FER: variants seen among roughly 807,000 people sequenced by gnomAD.
FER encodes FER tyrosine kinase.
In FER, 63 loss-of-function variants were observed where a neutral mutation model predicts 111.0. That is an observed-to-expected ratio of 0.57 (90% CI 0.46 to 0.70). The LOEUF (loss-of-function observed/expected upper bound fraction) is 0.70, where lower values mean the gene tolerates loss of function less well. Ranked by LOEUF, FER falls within the 30% of genes least tolerant of loss-of-function variation. The pLI is 0.00. For missense variants in FER, 914 were observed against 954.0 expected (o/e 0.96, Z 0.55); for synonymous variants, 327 against 313.9 (o/e 1.04, Z -0.44).
At position 109,150,807 on chromosome 5, in the gene FER, C is replaced by G. The variant is rs901747369; in HGVS notation, c.2049-29940C>G. Among the ~76,000 whole-genome samples, 6 of 152,146 alleles carry G rather than the reference C, an allele frequency of 3.9e-5. 1 individual carries two copies. Among genetic ancestry groups the G allele is most frequent in the African/African-American group, 1.4e-4 (6 of 41,456 alleles). ...GCTATATTATTGTTATCAGAACAAT[C>G]TGTCATTTATTCGTGACATTCTAAA... On this transcript the variant is annotated intron_variant, in intron 17 of 19. Coordinates refer to ENST00000281092, the MANE Select transcript of FER (RefSeq NM_005246.4).
chr5:109,053,182 G>A (rs935483738), intron 16 of FER, among the ~76,000 whole-genome samples: 14 of 152,066 alleles, frequency 9.2e-5, no homozygotes, highest in Non-Finnish European at 1.5e-4. Context: ...TCAGGCATTC[G>A]GGACCAGCCT....
chr5:109,041,781 G>A (rs1771218675), intron 14 of FER, among the ~76,000 whole-genome samples: 1 of 152,128 alleles, frequency 6.6e-6, no homozygotes, highest in South Asian at 2.1e-4. Context: ...GGAATAGTGG[G>A]TAATATAATT....
intron 16 of FER, among the ~76,000 whole-genome samples, chr5:109,091,996 C>G (rs1447925639): frequency 6.6e-6 from 1 of 151,860 alleles, no homozygotes; most frequent in Non-Finnish European, 1.5e-5. Context: ...GCCCTTCTAT[C>G]CCTTCTATAA....
intron 9 of FER, among the ~76,000 whole-genome samples, chr5:108,888,589 T>A (rs73781909): frequency 0.021 from 3,235 of 151,998 alleles, 109 homozygotes; most frequent in African/African-American, 0.074. Context: ...AATTTATTTA[T>A]GGCCTCCTAT....
chr5:109,079,899 C>T (rs1159990), intron 16 of FER, among the ~76,000 whole-genome samples: 1 of 151,872 alleles, frequency 6.6e-6, no homozygotes, highest in Non-Finnish European at 1.5e-5. Flanking sequence ...ACATGCTTTT[C>T]TAGCAGTTTC....
intron 2 of FER, among the ~76,000 whole-genome samples, chr5:108,779,866 G>A (rs1355954033): frequency 1.3e-5 from 2 of 152,072 alleles, no homozygotes; most frequent in African/African-American, 4.8e-5. Flanking sequence ...CCTTGTTCCG[G>A]ATTTTAGTAG....
At chr5:109,060,481 C>G (rs1255252621) in intron 16 of FER, among the ~76,000 whole-genome samples, 3 of 152,072 alleles carry the variant, frequency 2.0e-5, no homozygotes, top group Middle Eastern at 3.4e-3. Flanking sequence ...GTCAAGAGAT[C>G]AAGACGATCC....
At chr5:109,047,309 T>C in intron 16 of FER, 111 bp downstream of exon 16, 1 of 624,384 alleles carries the variant, frequency 1.6e-6, no homozygotes, top group Non-Finnish European at 2.8e-6. Flanking sequence ...GGATTTTGTT[T>C]AACATTTCCA....
At chr5:109,167,532 T>C (rs1289566183) in intron 17 of FER, among the ~76,000 whole-genome samples, 1 of 152,128 alleles carries the variant, frequency 6.6e-6, no homozygotes, top group Non-Finnish European at 1.5e-5. Context: ...CCAAGTTACA[T>C]TTTGTCTTTG....
intron 1 of FER, among the ~76,000 whole-genome samples, chr5:108,764,405 A>T (rs1214115875): frequency 1.3e-5 from 2 of 151,918 alleles, no homozygotes; most frequent in African/African-American, 4.8e-5. Context: ...TTATTTATTT[A>T]TTTATTTTTG....
At chr5:109,071,914 A>G (rs962611297) in intron 16 of FER, among the ~76,000 whole-genome samples, 14 of 150,918 alleles carry the variant, frequency 9.3e-5, no homozygotes, top group African/African-American at 3.4e-4. Context: ...TCATGAGGGA[A>G]TTTTTCTTCC....
At chr5:108,883,352 A>G in intron 8 of FER, 44 bp from the exon 9 acceptor site, 1 of 1,548,662 alleles carries the variant, frequency 6.5e-7, no homozygotes, top group Non-Finnish European at 8.7e-7. Context: ...GTATAAAGTG[A>G]AAATTAATTT....
chr5:108,783,254 C>T (rs1301106125), intron 2 of FER, among the ~76,000 whole-genome samples: 3 of 152,196 alleles, frequency 2.0e-5, no homozygotes, highest in Admixed American at 6.5e-5. Context: ...TTGAGCCTAT[C>T]TAGCTTGTCT....
chr5:109,064,726 C>G lies in FER; in HGVS notation c.1924+17528C>G, dbSNP rs142847080. ...CATGGTGAGCAGGACAAAGCATGTTCTGAACCACTCTTGCTCTTAGATTCT... is the reference window on the plus strand; with the variant it reads ...CATGGTGAGCAGGACAAAGCATGTTGTGAACCACTCTTGCTCTTAGATTCT... On this transcript the variant is annotated intron_variant, in intron 16 of 19. Transcript: ENST00000281092. Among the ~76,000 whole-genome samples the G allele has an allele frequency of 1.5e-3, 229 of 152,238 alleles. 1 individual carries two copies. The East Asian group carries it at 0.034, about 23-fold the overall frequency.
chr5:108,901,962 A>G (rs1343494002), intron 10 of FER, among the ~76,000 whole-genome samples: 1 of 152,220 alleles, frequency 6.6e-6, no homozygotes, highest in African/African-American at 2.4e-5. Context: ...AAATAAAATA[A>G]AAATAATTTT....
Position 109,084,520 on chromosome 5 carries a change from A to T in FER, c.1925-15876A>T, listed in dbSNP as rs551988887. On this transcript the variant is annotated intron_variant, in intron 16 of 19. Coordinates refer to ENST00000281092, the MANE Select transcript of FER (RefSeq NM_005246.4). ...CACAATTAAAAATAAAAAAAAATTT[A>T]AAAAATAGCCAATTGTATGGTTTAC... Among the ~76,000 whole-genome samples, 60 of 152,086 alleles carry T rather than the reference A, an allele frequency of 3.9e-4. 1 individual carries two copies. The South Asian group carries it at 7.1e-3, about 18-fold the overall frequency.
intron 13 of FER, among the ~76,000 whole-genome samples, chr5:109,007,948 GAT>G (rs1312946070): frequency 6.6e-6 from 1 of 152,058 alleles, no homozygotes; most frequent in Non-Finnish European, 1.5e-5. Flanking sequence ...AAATAAATTA[GAT>G]AATTACTTTT....
intron 17 of FER, among the ~76,000 whole-genome samples, chr5:109,158,973 T>A (rs115564962): frequency 7.2e-5 from 11 of 152,226 alleles, no homozygotes; most frequent in Admixed American, 6.5e-4. Context: ...TAAAAAGAAT[T>A]TTATGGGATT....
At chr5:109,030,679 G>C (rs1196002983) in intron 13 of FER, among the ~76,000 whole-genome samples, 1 of 152,102 alleles carries the variant, frequency 6.6e-6, no homozygotes, top group Non-Finnish European at 1.5e-5. Context: ...TAGGCCTATG[G>C]GATTGTTTGG....
Sources: gnomAD v4.1 joint callset for allele counts (sites outside exome capture counted in the v4.1 genomes callset) on GRCh38, gnomAD v4.1.1 for gene constraint, MANE v1.5 for transcripts, NCBI Gene and HGNC (gene_info 2026-07-23, HGNC 2026-07-21) for gene names.